Variants in ARHGAP42 observed in about 807,000 individuals in gnomAD.
ARHGAP42 encodes the protein rho GTPase-activating protein 42.
ARHGAP42 carries 63 observed loss-of-function variants against 125.0 expected under a neutral mutation model. That is an observed-to-expected ratio of 0.50 (90% confidence interval 0.41 to 0.62). The LOEUF (loss-of-function observed/expected upper bound fraction) is 0.62, where lower values mean the gene tolerates loss of function less well. Among genes scored for constraint, ARHGAP42 ranks in the 20% least tolerant of loss-of-function variants. The pLI, the probability that ARHGAP42 is intolerant of heterozygous loss-of-function variation, is 0.00. For synonymous variants in ARHGAP42, 339 were observed against 351.0 expected (o/e 0.97, Z 0.38); for missense variants, 766 against 1,024.2 (o/e 0.75, Z 3.44).
chr11:100,938,231 G>A (rs1867786786), intron 8 of ARHGAP42, among the ~76,000 whole-genome samples: 1 of 151,896 alleles, frequency 6.6e-6, no homozygotes, highest in Non-Finnish European at 1.5e-5. Context: ...CCTTCGCCCA[G>A]GTGAGACCCT....
rs769459867 is a variant in ARHGAP42 at position 100,992,601 on chromosome 11, C to T, written c.*3800C>T. On this transcript the variant is annotated 3_prime_UTR_variant, in exon 24 of 24. Coordinates refer to ENST00000298815, the MANE Select transcript of ARHGAP42 (RefSeq NM_152432.4). Reference sequence around the variant, plus strand: ...TCAACTGGTCTCAATTTCCTGAACACATTCACTGTATCCCTCATTGTCACC... The same window carrying T: ...TCAACTGGTCTCAATTTCCTGAACATATTCACTGTATCCCTCATTGTCACC... The T allele has an allele frequency of 8.7e-6, 14 of 1,613,994 alleles. No homozygotes were observed. The highest frequency in any genetic ancestry group is 1.2e-5 in the Non-Finnish European group (14 of 1,179,972).
In ARHGAP42 at chr11:100,921,710, TAAAA is replaced by T. The variant is rs1867274428; in HGVS notation, c.597+108_597+111del. 6.9e-5 allele frequency: 50 copies of T among 726,710 alleles called. 2 individuals are homozygous for T. In the South Asian group the frequency reaches 1.1e-3, roughly 16 times the overall value. 45.0% of individuals were successfully genotyped at this position (726,710 alleles called of 1,614,324 possible). A position where few individuals can be genotyped will look rare whatever the true frequency, so the allele number is the denominator to read the frequency against. On this transcript the variant is annotated intron_variant, in intron 6 of 23. Transcript: ENST00000298815. ...AATTTTTCTTGAAAATTATGATTGA[TAAAA>T]ATAAAAGGGGAGTGGGAAGGGATGA... is the stretch of plus-strand genomic sequence containing the variant.
chr11:100,974,210 G>A (rs796301797), intron 18 of ARHGAP42, among the ~76,000 whole-genome samples: 5 of 152,162 alleles, frequency 3.3e-5, no homozygotes, highest in African/African-American at 1.2e-4. Flanking sequence ...CCATCAATAT[G>A]TCTTGTTCAT....
At chr11:100,833,780 A>G (rs893467068) in intron 3 of ARHGAP42, among the ~76,000 whole-genome samples, 1 of 152,126 alleles carries the variant, frequency 6.6e-6, no homozygotes, top group Non-Finnish European at 1.5e-5. Flanking sequence ...ATTGTTTCAT[A>G]TATGTTAGAA....
At position 100,785,909 on chromosome 11, in the gene ARHGAP42, A is replaced by G. The variant is rs373141387; in HGVS notation, c.251-9196A>G. Reference sequence around the variant, plus strand: ...GACAATAATGGTTTGTTGGGAGAGAACAGACTTTGGAATCAAACAATCAAA... The same window carrying G: ...GACAATAATGGTTTGTTGGGAGAGAGCAGACTTTGGAATCAAACAATCAAA... On this transcript the variant is annotated intron_variant, in intron 2 of 23. Transcript: ENST00000298815. Among the ~76,000 whole-genome samples the G allele has an allele frequency of 7.9e-5, 12 of 152,282 alleles. 1 individual carries two copies. In the East Asian group the frequency reaches 1.4e-3, roughly 17 times the overall value.
chr11:100,889,724 A>G (rs1866174905), intron 4 of ARHGAP42, among the ~76,000 whole-genome samples: 1 of 152,180 alleles, frequency 6.6e-6, no homozygotes, highest in Admixed American at 6.5e-5. Context: ...TTTTCTCTGG[A>G]AGATGAGAGG....
intron 6 of ARHGAP42, among the ~76,000 whole-genome samples, chr11:100,928,425 A>G (rs1163599589): frequency 6.6e-6 from 1 of 151,956 alleles, no homozygotes; most frequent in Non-Finnish European, 1.5e-5. Context: ...GCAAAACCCC[A>G]CCTCTACAAA....
At chr11:100,868,360 CT>C (rs142624214) in intron 4 of ARHGAP42, among the ~76,000 whole-genome samples, 4,787 of 152,234 alleles carry the variant, frequency 0.031, 141 homozygotes, top group African/African-American at 0.08. Flanking sequence ...ATTTGATCAT[CT>C]TTTTTAACAA....
At chr11:100,963,116 G>A (rs1486296171) in intron 16 of ARHGAP42, among the ~76,000 whole-genome samples, 4 of 152,136 alleles carry the variant, frequency 2.6e-5, no homozygotes, top group Non-Finnish European at 5.9e-5. Flanking sequence ...ACGTACAGAC[G>A]ATTATGTCCC....
intron 4 of ARHGAP42, among the ~76,000 whole-genome samples, chr11:100,874,501 G>A (rs1340793889): frequency 1.3e-5 from 2 of 152,094 alleles, no homozygotes; most frequent in Admixed American, 1.3e-4. Flanking sequence ...TGGACACCTC[G>A]GGCCTGTGTC....
chr11:100,759,081 A>G (rs1862641417), intron 1 of ARHGAP42, among the ~76,000 whole-genome samples: 1 of 152,090 alleles, frequency 6.6e-6, no homozygotes, highest in Non-Finnish European at 1.5e-5. Context: ...TTTATAGTGG[A>G]TGTTTTATAA....
intron 8 of ARHGAP42, among the ~76,000 whole-genome samples, chr11:100,936,896 T>A (rs1867752332): frequency 6.6e-6 from 1 of 152,198 alleles, no homozygotes; most frequent in Admixed American, 6.5e-5. Context: ...TAACTGGAGT[T>A]TTTTGTGCAT....
chr11:100,718,494 TAAAC>T (rs1861703691), intron 1 of ARHGAP42, among the ~76,000 whole-genome samples: 1 of 152,158 alleles, frequency 6.6e-6, no homozygotes, highest in Non-Finnish European at 1.5e-5. Context: ...TTTACTCAGA[TAAAC>T]AAATTTGAAA....
intron 2 of ARHGAP42, among the ~76,000 whole-genome samples, chr11:100,791,225 G>T (rs751571484): frequency 6.6e-6 from 1 of 152,152 alleles, no homozygotes; most frequent in Non-Finnish European, 1.5e-5. Flanking sequence ...AGGCAGTTTG[G>T]ATCTGCCTGG....
intron 2 of ARHGAP42, among the ~76,000 whole-genome samples, chr11:100,775,055 G>C (rs1377708914): frequency 2.6e-5 from 4 of 152,000 alleles, no homozygotes; most frequent in African/African-American, 9.7e-5. Context: ...TCATTGAAGA[G>C]CATCAAGAGG....
chr11:100,771,393 T>C (rs1862974178), intron 2 of ARHGAP42, among the ~76,000 whole-genome samples: 1 of 152,204 alleles, frequency 6.6e-6, no homozygotes, highest in African/African-American at 2.4e-5. Context: ...TAAAGACCTC[T>C]ACATTTTCCA....
rs56164175 is a variant in ARHGAP42, at chr11:100,756,222, C to CAA, written c.155-14096_155-14095dup. 2.0e-3 allele frequency among the ~76,000 whole-genome samples: 94 copies of CAA among 47,910 alleles called. 6 individuals are homozygous for CAA. The East Asian group carries it at 0.032, about 16-fold the overall frequency. 31.4% of individuals were successfully genotyped at this position (47,910 alleles called of 152,430 possible). A position where few individuals can be genotyped will look rare whatever the true frequency, so the allele number is the denominator to read the frequency against. ...TCAATACAGTGAGACCTTGTCTCTA[C>CAA]AAAAAAAAAAAAAAAAAAAAAAAAA... On this transcript the variant is annotated intron_variant, in intron 1 of 23. Coordinates refer to ENST00000298815, the MANE Select transcript of ARHGAP42 (RefSeq NM_152432.4).
At chr11:100,842,241 C>T (rs917754940) in intron 3 of ARHGAP42, among the ~76,000 whole-genome samples, 19 of 152,108 alleles carry the variant, frequency 1.2e-4, no homozygotes, top group Admixed American at 2.6e-4. Flanking sequence ...CATTCACCAT[C>T]GTCTACATGC....
chr11:100,875,145 G>T (rs1174264921), intron 4 of ARHGAP42, among the ~76,000 whole-genome samples: 2 of 135,048 alleles, frequency 1.5e-5, no homozygotes, highest in Non-Finnish European at 3.2e-5. Context: ...GTGTGTGTGT[G>T]TGTGTGTGGC....
Sources: gnomAD v4.1 joint callset for allele counts (sites outside exome capture counted in the v4.1 genomes callset) on GRCh38, gnomAD v4.1.1 for gene constraint, MANE v1.5 for transcripts, NCBI Gene and HGNC (gene_info 2026-07-23, HGNC 2026-07-21) for gene names.